Variants in SLC28A1 observed in about 807,000 individuals in gnomAD.
SLC28A1 encodes the protein sodium/nucleoside cotransporter 1.
SLC28A1 carries 64 observed loss-of-function variants against 74.8 expected under a neutral mutation model. The ratio of observed to expected loss-of-function variants is 0.86; its 90% CI spans 0.70 to 1.05. The LOEUF (loss-of-function observed/expected upper bound fraction) is 1.05, where lower values mean the gene tolerates loss of function less well. Ranked by LOEUF, SLC28A1 falls within the 50% of genes least tolerant of loss-of-function variation. The probability of loss-of-function intolerance (pLI) is 0.00; values close to 1 mark genes in which losing one functional copy is unlikely to be tolerated. For missense variants in SLC28A1, 828 were observed against 822.8 expected (o/e 1.01, Z -0.08); for synonymous variants, 359 against 335.0 (o/e 1.07, Z -0.78).
chr15:84,904,189 T>A lies in SLC28A1; in HGVS notation c.554T>A (p.Ile185Asn). ...RPEQLVSFAG[I>N]CVFVALLFAC... is the part of the protein sequence containing the mutation. ...GAGCAACTGGTGTCCTTCGCAGGAA[T>A]CTGCGTGTTCGTCGCTCTCCTCTTT... Residue 185 changes from isoleucine (I) to asparagine (N), a missense_variant, in exon 7 of 19, where the codon ATC (isoleucine) becomes AAC (asparagine). Around this residue, in one of 3 missense-constraint regions of SLC28A1, gnomAD observed 767 missense variants for 753.5 expected, o/e 1.02. Transcript: ENST00000394573. 1 of 1,614,212 alleles carries A rather than the reference T, an allele frequency of 6.2e-7. No homozygotes were observed. Among genetic ancestry groups the A allele is most frequent in the East Asian group, 2.2e-5 (1 of 44,876 alleles).
intron 10 of SLC28A1, 51 bp from the exon 11 acceptor site, chr15:84,920,938 C>G (rs111883417): frequency 2.5e-5 from 36 of 1,444,766 alleles, no homozygotes; most frequent in Non-Finnish European, 3.1e-5. Flanking sequence ...CCCCCTCTGA[C>G]TCTGGGGTTT....
chr15:84,904,310 A>T, intron 7 of SLC28A1, 72 bp downstream of exon 7: 1 of 1,604,178 alleles, frequency 6.2e-7, no homozygotes. Context: ...TGGATCTGGG[A>T]GCTGGGGTAT....
At chr15:84,943,558 G>A (rs371487271) in intron 16 of SLC28A1, 32 bp downstream of exon 16, 2 of 1,512,480 alleles carry the variant, frequency 1.3e-6, no homozygotes, top group South Asian at 2.2e-5. Context: ...CCAGTGTCTA[G>A]GAGAGTCTGG....
intron 15 of SLC28A1, among the ~76,000 whole-genome samples, chr15:84,939,370 G>A (rs1312926107): frequency 1.3e-5 from 2 of 151,782 alleles, no homozygotes; most frequent in Non-Finnish European, 2.9e-5. Flanking sequence ...GGAAGGGACA[G>A]AGGGAGGGAG....
chr15:84,910,240 AG>A (rs1437137018), intron 9 of SLC28A1, among the ~76,000 whole-genome samples: 1 of 152,210 alleles, frequency 6.6e-6, no homozygotes, highest in Non-Finnish European at 1.5e-5. Context: ...GAATATTGGG[AG>A]GGGGAGCCTA....
At chr15:84,956,472 T>TTTCTTTCTTTCC in the SLC28A1 span, among the ~76,000 whole-genome samples, 1 of 77,648 alleles carries the variant, frequency 1.3e-5, no homozygotes, top group Non-Finnish European at 2.9e-5. Context: ...TCTTTCCTTC[T>TTTCTTTCTTTCC]TTCTTTCTTT....
downstream of SLC28A1, among the ~76,000 whole-genome samples, chr15:84,946,084 T>TTATATATATATA (rs1567196223): frequency 1.7e-3 from 46 of 27,548 alleles, 2 homozygotes; most frequent in Middle Eastern, 0.067. Flanking sequence ...GTGTGTATGT[T>TTATATATATATA]CATATATATA....
Position 84,944,627 on chromosome 15 carries a change from G to A in SLC28A1, c.1725G>A (p.Thr575=), listed in dbSNP as rs143666524. Residue 575 remains threonine (T), a synonymous_variant, in exon 17 of 19, where the codon ACG becomes ACA. Coordinates refer to ENST00000394573, the MANE Select transcript of SLC28A1 (RefSeq NM_004213.5). ...AGATAGTGCTCCGGGCGCTCTTCAC[G>A]GGAGCCTGTGTGTCCCTGGTGAACG... ...FSQIVLRALF[T]GACVSLVNAC... is the part of the protein sequence containing the mutation. 28 of 1,613,926 alleles carry A rather than the reference G, an allele frequency of 1.7e-5. No individual in the cohort carries two copies. The African/African-American group carries it at 1.7e-4, about 10-fold the overall frequency.
rs546289974 is a variant in SLC28A1, at chr15:84,942,498, T to C, written c.1582-947T>C. On this transcript the variant is annotated intron_variant, in intron 15 of 18. Transcript: ENST00000394573. ...GTTGTTAAGAACAAAAGCAAATAACTATTGTGTTTGAACACTTACTGTCTG... is the reference window on the plus strand; with the variant it reads ...GTTGTTAAGAACAAAAGCAAATAACCATTGTGTTTGAACACTTACTGTCTG... Among the ~76,000 whole-genome samples, 11 of 152,350 alleles carry C rather than the reference T, an allele frequency of 7.2e-5. No individual in the cohort carries two copies. In the East Asian group the frequency reaches 1.9e-3, roughly 27 times the overall value.
chr15:84,893,571 G>A (rs76905904), intron 5 of SLC28A1, among the ~76,000 whole-genome samples: 2 of 48,144 alleles, frequency 4.2e-5, no homozygotes, highest in Non-Finnish European at 5.5e-5. Flanking sequence ...GGGGGTCACC[G>A]GGGGGGCTTA....
At chr15:84,910,468 C>T (rs925544118) in intron 9 of SLC28A1, among the ~76,000 whole-genome samples, 2 of 152,218 alleles carry the variant, frequency 1.3e-5, no homozygotes, top group East Asian at 1.9e-4. Context: ...GTGGCTCATG[C>T]CTGTAATCCT....
intron 12 of SLC28A1, among the ~76,000 whole-genome samples, chr15:84,932,511 G>C (rs938100499): frequency 6.6e-6 from 1 of 152,208 alleles, no homozygotes; most frequent in African/African-American, 2.4e-5. Flanking sequence ...CTGAGAAGGA[G>C]TTCTCAAACT....
At chr15:84,969,779 G>T in the SLC28A1 span, among the ~76,000 whole-genome samples, 7 of 152,302 alleles carry the variant, frequency 4.6e-5, no homozygotes, top group East Asian at 1.2e-3. Flanking sequence ...GGGCAAAGGG[G>T]TGTAGTGGGA....
At chr15:84,898,342 G>A (rs187634835) in intron 6 of SLC28A1, among the ~76,000 whole-genome samples, 6 of 152,260 alleles carry the variant, frequency 3.9e-5, no homozygotes, top group African/African-American at 1.4e-4. Flanking sequence ...ACTTTGGGAG[G>A]GCGAGGTGGG....
intron 5 of SLC28A1, among the ~76,000 whole-genome samples, chr15:84,892,842 T>C (rs911750535): frequency 1.2e-4 from 19 of 152,142 alleles, no homozygotes; most frequent in African/African-American, 4.6e-4. Context: ...ATGGCCTTGG[T>C]GTCCCCAGTC....
the SLC28A1 span, among the ~76,000 whole-genome samples, chr15:84,957,911 C>T: frequency 6.6e-6 from 1 of 152,144 alleles, no homozygotes; most frequent in South Asian, 2.1e-4. Flanking sequence ...TTGAGGGGTA[C>T]ATCCAGTTTA....
At chr15:84,887,410 G>T in intron 2 of SLC28A1, 1 of 985,180 alleles carries the variant, frequency 1.0e-6, no homozygotes, top group South Asian at 4.7e-5. Context: ...GCAGGCTGGG[G>T]TGGTGGCGCA....
the SLC28A1 span, among the ~76,000 whole-genome samples, chr15:84,953,580 A>G: frequency 3.3e-5 from 5 of 152,176 alleles, no homozygotes; most frequent in Non-Finnish European, 7.4e-5. Context: ...AAATTTAAAA[A>G]TTAGCCCAGC....
the SLC28A1 span, among the ~76,000 whole-genome samples, chr15:84,951,385 C>A: frequency 2.0e-5 from 3 of 151,048 alleles, no homozygotes; most frequent in Non-Finnish European, 4.4e-5. Flanking sequence ...AGCCATGACC[C>A]ACTGCACTCC....
Sources: gnomAD v4.1 joint callset for allele counts (sites outside exome capture counted in the v4.1 genomes callset) on GRCh38, gnomAD v4.1.1 for gene constraint, gnomAD v4.1.1 regional missense constraint, MANE v1.5 for transcripts, NCBI Gene and HGNC (gene_info 2026-07-23, HGNC 2026-07-21) for gene names.